Variants in CCBE1 observed in about 807,000 individuals in gnomAD.
CCBE1 encodes collagen and calcium binding EGF domains 1.
A neutral mutation model predicts 50.0 loss-of-function variants in CCBE1; 37 were observed. The ratio of observed to expected loss-of-function variants is 0.74; its 90% CI spans 0.57 to 0.97. The LOEUF (loss-of-function observed/expected upper bound fraction) is 0.97, where lower values mean the gene tolerates loss of function less well. Among genes scored for constraint, CCBE1 ranks in the 50% least tolerant of loss-of-function variants. The pLI is 0.00. For synonymous variants in CCBE1, 234 were observed against 203.7 expected (o/e 1.15, Z -1.27); for missense variants, 538 against 523.8 (o/e 1.03, Z -0.26).
chr18:59,687,012 A>G (rs1268937198), intron 2 of CCBE1, among the ~76,000 whole-genome samples: 1 of 152,216 alleles, frequency 6.6e-6, no homozygotes, highest in Non-Finnish European at 1.5e-5. Flanking sequence ...AGTTGGTTCA[A>G]CAAGTCTGTG....
intron 2 of CCBE1, among the ~76,000 whole-genome samples, chr18:59,576,182 G>T (rs1160488660): frequency 6.6e-6 from 1 of 152,194 alleles, no homozygotes; most frequent in African/African-American, 2.4e-5. Context: ...AAGGCATTTG[G>T]CTTGTTTCCA....
At chr18:59,692,134 A>G (rs1347471529) in intron 2 of CCBE1, among the ~76,000 whole-genome samples, 1 of 152,230 alleles carries the variant, frequency 6.6e-6, no homozygotes, top group Non-Finnish European at 1.5e-5. Context: ...TGCTCTTTCA[A>G]AAAGATGAAG....
chr18:59,523,409 C>G (rs951202266), intron 2 of CCBE1, among the ~76,000 whole-genome samples: 1 of 150,806 alleles, frequency 6.6e-6, no homozygotes, highest in African/African-American at 2.4e-5. Context: ...GGTAGGTAGT[C>G]TTAGACAAGA....
chr18:59,633,880 C>T (rs1288588133), intron 2 of CCBE1, among the ~76,000 whole-genome samples: 1 of 152,114 alleles, frequency 6.6e-6, no homozygotes, highest in African/African-American at 2.4e-5. Context: ...AAGGTGATAT[C>T]TTGACTTAAC....
At chr18:59,540,796 C>G (rs1915437028) in intron 2 of CCBE1, among the ~76,000 whole-genome samples, 1 of 152,290 alleles carries the variant, frequency 6.6e-6, no homozygotes, top group Non-Finnish European at 1.5e-5. Context: ...GTACTCATAA[C>G]AGATTACAGA....
intron 2 of CCBE1, among the ~76,000 whole-genome samples, chr18:59,617,341 C>T (rs1325817842): frequency 1.3e-5 from 2 of 152,210 alleles, no homozygotes; most frequent in Non-Finnish European, 2.9e-5. Context: ...AAATCCTAGT[C>T]TTAGATTCTT....
intron 2 of CCBE1, among the ~76,000 whole-genome samples, chr18:59,642,662 A>C (rs1350030930): frequency 6.6e-6 from 1 of 152,230 alleles, no homozygotes; most frequent in African/African-American, 2.4e-5. Flanking sequence ...TCTCAAGAAT[A>C]CAATGGGCCG....
intron 2 of CCBE1, among the ~76,000 whole-genome samples, chr18:59,546,510 C>T (rs1323041843): frequency 6.6e-6 from 1 of 152,200 alleles, no homozygotes; most frequent in Admixed American, 6.5e-5. Flanking sequence ...TTCACAGAGG[C>T]CCAGTCCCCT....
chr18:59,450,552 G>C (rs1473048987), intron 6 of CCBE1, among the ~76,000 whole-genome samples: 2 of 152,036 alleles, frequency 1.3e-5, no homozygotes, highest in Non-Finnish European at 2.9e-5. Flanking sequence ...ATTTTGTTTT[G>C]AGACAGAATC....
At chr18:59,466,295 C>T (rs1329217086) in intron 5 of CCBE1, among the ~76,000 whole-genome samples, 1 of 151,904 alleles carries the variant, frequency 6.6e-6, no homozygotes, top group Non-Finnish European at 1.5e-5. Context: ...GTGTATAAGT[C>T]TCAGAGATCT....
chr18:59,514,287 T>G (rs1356436207), intron 2 of CCBE1, among the ~76,000 whole-genome samples: 5 of 152,126 alleles, frequency 3.3e-5, no homozygotes, highest in Admixed American at 6.5e-5. Context: ...GCTAAATCAG[T>G]GGCGTTTAAT....
chr18:59,541,375 C>CA (rs1490362785), intron 2 of CCBE1, among the ~76,000 whole-genome samples: 2 of 152,138 alleles, frequency 1.3e-5, no homozygotes, highest in South Asian at 2.1e-4. Flanking sequence ...CAAACATAGG[C>CA]AAAAAATTCT....
chr18:59,447,597 T>C (rs1413538555), intron 7 of CCBE1, among the ~76,000 whole-genome samples: 1 of 152,200 alleles, frequency 6.6e-6, no homozygotes, highest in Non-Finnish European at 1.5e-5. Context: ...AGGCTGGCTC[T>C]GAGTTGTTAG....
chr18:59,501,267 CGT>C (rs1568173750), intron 2 of CCBE1, among the ~76,000 whole-genome samples: 17 of 152,302 alleles, frequency 1.1e-4, no homozygotes, highest in African/African-American at 4.1e-4. Context: ...GGGGCTGCTT[CGT>C]CCTCCATAGG....
intron 2 of CCBE1, among the ~76,000 whole-genome samples, chr18:59,530,355 G>A (rs1180980461): frequency 2.0e-5 from 3 of 152,122 alleles, no homozygotes; most frequent in Non-Finnish European, 4.4e-5. Flanking sequence ...ATTGAGTTGT[G>A]AAGTAGGTGA....
intron 7 of CCBE1, among the ~76,000 whole-genome samples, chr18:59,440,360 A>G (rs2143621785): frequency 6.6e-6 from 1 of 152,384 alleles, no homozygotes; most frequent in South Asian, 2.1e-4. Context: ...GTTGCATTAC[A>G]TGAGATTTCA....
intron 2 of CCBE1, among the ~76,000 whole-genome samples, chr18:59,578,185 A>G (rs2144502511): frequency 6.6e-6 from 1 of 152,372 alleles, no homozygotes; most frequent in East Asian, 1.9e-4. Flanking sequence ...TATGCAGCCA[A>G]CAAACATGAG....
intron 2 of CCBE1, among the ~76,000 whole-genome samples, chr18:59,595,037 G>A (rs1031756763): frequency 1.1e-4 from 17 of 150,974 alleles, no homozygotes; most frequent in South Asian, 2.1e-4. Context: ...CCTTGAACCC[G>A]GGAGATGGAG....
intron 7 of CCBE1, among the ~76,000 whole-genome samples, chr18:59,441,966 T>C (rs995742230): frequency 6.6e-6 from 1 of 152,170 alleles, no homozygotes; most frequent in Non-Finnish European, 1.5e-5. Flanking sequence ...CAGCATAGTA[T>C]CCTTGTTCAT....
Sources: gnomAD v4.1 joint callset for allele counts (sites outside exome capture counted in the v4.1 genomes callset) on GRCh38, gnomAD v4.1.1 for gene constraint, MANE v1.5 for transcripts, NCBI Gene and HGNC (gene_info 2026-07-23, HGNC 2026-07-21) for gene names.